Variants in TNPO1 observed in about 807,000 individuals in gnomAD.
TNPO1 encodes transportin 1.
A neutral mutation model predicts 119.5 loss-of-function variants in TNPO1; 8 were observed. The ratio of observed to expected loss-of-function variants is 0.07; its 90% CI spans 0.04 to 0.12. The LOEUF (loss-of-function observed/expected upper bound fraction) is 0.12, where lower values mean the gene tolerates loss of function less well. TNPO1 is among the 10% of genes least tolerant of loss of function. The probability of loss-of-function intolerance (pLI) is 1.00; values close to 1 mark genes in which losing one functional copy is unlikely to be tolerated. For synonymous variants in TNPO1, 362 were observed against 363.0 expected (o/e 1.00, Z 0.03); for missense variants, 576 against 1,089.8 (o/e 0.53, Z 6.64).
chr5:72,882,658 AT>A, intron 10 of TNPO1, 131 bp downstream of exon 10: 3 of 606,188 alleles, frequency 4.9e-6, no homozygotes, highest in Non-Finnish European at 8.6e-6. Flanking sequence ...CCATAATAGG[AT>A]AGAAGCATAA....
At chr5:72,855,695 T>C in intron 3 of TNPO1, 79 bp from the exon 4 acceptor site, 1 of 1,206,742 alleles carries the variant, frequency 8.3e-7, no homozygotes, top group Non-Finnish European at 1.2e-6. Flanking sequence ...CTTTTGAATA[T>C]AAATGTTTTT....
At chr5:72,846,366 A>G (rs1290380383) in intron 1 of TNPO1, among the ~76,000 whole-genome samples, 25 of 151,092 alleles carry the variant, frequency 1.7e-4, no homozygotes, top group Admixed American at 1.6e-3. Flanking sequence ...GCCCGGAATT[A>G]TGGCCATGTC....
At position 72,819,543 on chromosome 5, in the gene TNPO1, T is replaced by C. The variant is rs140788143; in HGVS notation, c.15+2791T>C. 8.1e-4 allele frequency among the ~76,000 whole-genome samples: 123 copies of C among 152,304 alleles called. 1 individual carries two copies. The highest frequency in any genetic ancestry group is 2.8e-3 in the African/African-American group (116 of 41,562). On this transcript the variant is annotated intron_variant, in intron 1 of 24. Coordinates refer to ENST00000337273, the MANE Select transcript of TNPO1 (RefSeq NM_002270.4). ...GGGAGGTGGATTTGTCCTGGAATTT[T>C]CTGGAGTAGATAGAATACATATAGG...
At position 72,897,158 on chromosome 5, in the gene TNPO1, T is replaced by TA; in HGVS notation, c.2338+8dup. 1 of 1,582,574 alleles carries TA rather than the reference T, an allele frequency of 6.3e-7. No individual in the cohort carries two copies. Among genetic ancestry groups the TA allele is most frequent in the South Asian group, 1.2e-5 (1 of 86,696 alleles). ...ACGTTGTTAGAGAATACAGGTACCATATGACTGAACTGTTTCAGTGAAGAG... is the reference window on the plus strand; with the variant it reads ...ACGTTGTTAGAGAATACAGGTACCATAATGACTGAACTGTTTCAGTGAAGAG... On this transcript the variant is annotated splice_region_variant and intron_variant, in intron 20 of 24. Coordinates refer to ENST00000337273, the MANE Select transcript of TNPO1 (RefSeq NM_002270.4).
chr5:72,869,667 A>G (rs1165485282), intron 6 of TNPO1, among the ~76,000 whole-genome samples: 3 of 152,222 alleles, frequency 2.0e-5, no homozygotes, highest in Non-Finnish European at 4.4e-5. Context: ...GAAAATATAC[A>G]TGATTTAACA....
chr5:72,905,477 A>G (rs1750078665), intron 24 of TNPO1, 32 bp downstream of exon 24: 1 of 1,158,628 alleles, frequency 8.6e-7, no homozygotes, highest in Non-Finnish European at 1.2e-6. Context: ...AATTTTCAGG[A>G]TGAAGAAAAT....
chr5:72,897,872 C>CAATATAATTCAA (rs1749548187), intron 20 of TNPO1, among the ~76,000 whole-genome samples: 1 of 151,908 alleles, frequency 6.6e-6, no homozygotes, highest in Non-Finnish European at 1.5e-5. Flanking sequence ...AATGAGTATT[C>CAATATAATTCAA]TACCAAAATA....
In TNPO1 at chr5:72,893,156, C is replaced by T. The variant is rs765108640; in HGVS notation, c.1806C>T (p.Ala602=). 4 of 1,613,838 alleles carry T rather than the reference C, an allele frequency of 2.5e-6. No individual in the cohort carries two copies. The South Asian group carries it at 4.4e-5, about 18-fold the overall frequency. The change falls in exon 16 of 25, where the codon GCC becomes GCT. Residue 602 remains alanine (A), a synonymous_variant. Coordinates refer to ENST00000337273, the MANE Select transcript of TNPO1 (RefSeq NM_002270.4). ...FPLLECLSSV[A]TALQSGFLPY... is the part of the protein sequence containing the mutation. ...CTTCCTAGTGCCTATCTTCAGTTGC[C>T]ACAGCACTGCAGTCTGGATTCCTTC...
chr5:72,843,283 A>G (rs1744990725), intron 1 of TNPO1, among the ~76,000 whole-genome samples: 1 of 152,170 alleles, frequency 6.6e-6, no homozygotes, highest in African/African-American at 2.4e-5. Context: ...GTTTTAATAT[A>G]TGTTGAATTT....
rs536877603 is a variant in TNPO1 at position 72,856,550 on chromosome 5, G to A, written c.355+627G>A. ...GCCTGGCTTGGAGTTCCTATTTTCTGCCTAGCATGATGCATAATTTCTTGT... is the reference window on the plus strand; with the variant it reads ...GCCTGGCTTGGAGTTCCTATTTTCTACCTAGCATGATGCATAATTTCTTGT... On this transcript the variant is annotated intron_variant, in intron 4 of 24. Coordinates refer to ENST00000337273, the MANE Select transcript of TNPO1 (RefSeq NM_002270.4). 8.5e-5 allele frequency among the ~76,000 whole-genome samples: 13 copies of A among 152,202 alleles called. No homozygotes were observed. The South Asian group carries it at 2.7e-3, about 32-fold the overall frequency.
chr5:72,903,813 C>T (rs1369772200), intron 23 of TNPO1, 30 bp downstream of exon 23: 1 of 1,402,244 alleles, frequency 7.1e-7, no homozygotes, highest in Non-Finnish European at 9.9e-7. Context: ...AATGCATCAT[C>T]TTGAGACTGT....
At chr5:72,818,547 A>G (rs1743801288) in intron 1 of TNPO1, among the ~76,000 whole-genome samples, 1 of 152,212 alleles carries the variant, frequency 6.6e-6, no homozygotes, top group African/African-American at 2.4e-5. Flanking sequence ...TTTTAAGAAA[A>G]GAAACCTGGT....
chr5:72,907,097 C>A (rs1157149881), intron 24 of TNPO1, among the ~76,000 whole-genome samples: 1 of 152,130 alleles, frequency 6.6e-6, no homozygotes, highest in Non-Finnish European at 1.5e-5. Context: ...CTCAAAGCTT[C>A]CAGAATGTGT....
intron 20 of TNPO1, among the ~76,000 whole-genome samples, chr5:72,897,774 C>G (rs1283340708): frequency 2.0e-5 from 3 of 151,878 alleles, no homozygotes; most frequent in Non-Finnish European, 4.4e-5. Flanking sequence ...TTGCTGCTAA[C>G]AATCCAGAAA....
rs567825982 is a variant in TNPO1 at position 72,817,603 on chromosome 5, G to A, written c.15+851G>A. 2.6e-5 allele frequency among the ~76,000 whole-genome samples: 4 copies of A among 152,306 alleles called. No homozygotes were observed. In the South Asian group the frequency reaches 8.3e-4, roughly 32 times the overall value. The stretch of plus-strand genomic sequence containing the variant: ...ATGTAAATGTAGAAATTTGAAATTG[G>A]AGGCTATCTACAAATTGATTTTGAC... On this transcript the variant is annotated intron_variant, in intron 1 of 24. Transcript: ENST00000337273.
intron 1 of TNPO1, among the ~76,000 whole-genome samples, chr5:72,827,139 T>C (rs1351081702): frequency 1.3e-5 from 2 of 152,108 alleles, no homozygotes; most frequent in African/African-American, 4.8e-5. Context: ...GGAAAGAGCA[T>C]GCAAAAGTAA....
rs1019709750 is a variant in TNPO1, at chr5:72,887,940, T to G, written c.1304-138T>G. 17 of 770,734 alleles carry G rather than the reference T, an allele frequency of 2.2e-5. No homozygotes were observed. The African/African-American group carries it at 2.3e-4, about 10-fold the overall frequency. 47.7% of individuals were successfully genotyped at this position (770,734 alleles called of 1,614,324 possible). Reference sequence around the variant, plus strand: ...TAACTTCAGGGTTTTAAAAATAATTTTGGTATAGGTTATTGTAGTATGTGT... The same window carrying G: ...TAACTTCAGGGTTTTAAAAATAATTGTGGTATAGGTTATTGTAGTATGTGT... On this transcript the variant is annotated intron_variant, in intron 12 of 24. Transcript: ENST00000337273.
intron 14 of TNPO1, 128 bp downstream of exon 14, chr5:72,890,085 T>A: frequency 9.9e-7 from 1 of 1,007,450 alleles, no homozygotes; most frequent in Non-Finnish European, 1.4e-6. Context: ...ACTTTAAGAG[T>A]ATAGATCTTA....
At chr5:72,893,269 C>T (rs372859684) in intron 16 of TNPO1, 23 bp downstream of exon 16, 2 of 1,609,058 alleles carry the variant, frequency 1.2e-6, no homozygotes, top group Non-Finnish European at 1.7e-6. Context: ...AAATGTCTTC[C>T]TCTTCTTGAC....
Sources: gnomAD v4.1 joint callset for allele counts (sites outside exome capture counted in the v4.1 genomes callset) on GRCh38, gnomAD v4.1.1 for gene constraint, MANE v1.5 for transcripts, NCBI Gene and HGNC (gene_info 2026-07-23, HGNC 2026-07-21) for gene names.